KREMEN1: variants seen among roughly 807,000 people sequenced by gnomAD.
KREMEN1 encodes the protein kremen protein 1.
Under a neutral mutation model 46.5 loss-of-function variants are expected in KREMEN1, and 30 were observed. That is an observed-to-expected ratio of 0.65 (90% CI 0.48 to 0.88). KREMEN1 has a LOEUF of 0.88. Ranked by LOEUF, KREMEN1 falls within the 40% of genes least tolerant of loss-of-function variation. The probability of loss-of-function intolerance (pLI) is 0.00; values close to 1 mark genes in which losing one functional copy is unlikely to be tolerated. For missense variants in KREMEN1, 533 were observed against 596.9 expected (o/e 0.89, Z 1.11); for synonymous variants, 214 against 230.6 (o/e 0.93, Z 0.65).
chr22:29,073,243 C>A lies in KREMEN1; in HGVS notation c.97+16C>A. 9.1e-7 allele frequency: 1 copy of A among 1,095,916 alleles called. No homozygotes were observed. The highest frequency in any genetic ancestry group is 1.1e-6 in the Non-Finnish European group (1 of 878,960). The allele number at this position is 1,095,916 out of a possible 1,614,324, so 67.9% of individuals were successfully genotyped here. ...CCCGGACCCGGTGAGTGTGAGCGAC[C>A]CCCCGCCGCCCGCCCTGAGCGGAGC... On this transcript the variant is annotated intron_variant, in intron 1 of 8. Coordinates refer to ENST00000400335, the MANE Select transcript of KREMEN1 (RefSeq NM_001039570.3). The surrounding 1 kb of genome is among the most constrained non-coding windows in gnomAD (Gnocchi z 4.4).
At chr22:29,082,314 C>G (rs1251229972) in intron 1 of KREMEN1, among the ~76,000 whole-genome samples, 1 of 152,186 alleles carries the variant, frequency 6.6e-6, no homozygotes, top group Non-Finnish European at 1.5e-5. Flanking sequence ...ACCTTGGCCT[C>G]CCAAAGTACT....
intron 3 of KREMEN1, among the ~76,000 whole-genome samples, chr22:29,113,908 G>A (rs1483059945): frequency 6.6e-6 from 1 of 152,212 alleles, no homozygotes; most frequent in African/African-American, 2.4e-5. Context: ...CTAGGAAGCA[G>A]CAAATTAAGA....
chr22:29,098,146 A>C (rs1396709723), intron 2 of KREMEN1, among the ~76,000 whole-genome samples: 34 of 151,456 alleles, frequency 2.2e-4, no homozygotes, highest in Non-Finnish European at 1.0e-4. Context: ...ATGCCACTGC[A>C]CTCCAGCTCA....
intron 3 of KREMEN1, among the ~76,000 whole-genome samples, chr22:29,108,958 A>T (rs2038102111): frequency 6.6e-6 from 1 of 151,836 alleles, no homozygotes; most frequent in Non-Finnish European, 1.5e-5. Context: ...CCTGGCAAAT[A>T]TTTTTACTTT....
At chr22:29,135,076 C>T (rs1443227039) in intron 5 of KREMEN1, among the ~76,000 whole-genome samples, 1 of 152,198 alleles carries the variant, frequency 6.6e-6, no homozygotes, top group African/African-American at 2.4e-5. Context: ...TCCCTGGCAG[C>T]CAAACACTGC....
At chr22:29,157,334 C>A (rs909520941) in intron 9 of KREMEN1, among the ~76,000 whole-genome samples, 2 of 152,052 alleles carry the variant, frequency 1.3e-5, no homozygotes, top group East Asian at 3.9e-4. Context: ...CCCACCATGA[C>A]TTTGTTTTTC....
chr22:29,146,415 A>G lies in KREMEN1; in HGVS notation c.*4303A>G. 4 of 985,762 alleles carry G rather than the reference A, an allele frequency of 4.1e-6. No homozygotes were observed. Among genetic ancestry groups the G allele is most frequent in the Non-Finnish European group, 4.8e-6 (4 of 829,954 alleles). The allele number at this position is 985,762 out of a possible 1,614,324, so 61.1% of individuals were successfully genotyped here. On this transcript the variant is annotated 3_prime_UTR_variant, in exon 9 of 9. Transcript: ENST00000400335. Reference sequence around the variant, plus strand: ...GTCTTGCTGAGTTGGGTACGGAGGCAGAAGTGGGGTGTGGAGGAAAGTCAG... The same window carrying G: ...GTCTTGCTGAGTTGGGTACGGAGGCGGAAGTGGGGTGTGGAGGAAAGTCAG...
At chr22:29,087,172 C>T (rs550401741) in intron 1 of KREMEN1, among the ~76,000 whole-genome samples, 2 of 152,256 alleles carry the variant, frequency 1.3e-5, no homozygotes, top group African/African-American at 4.8e-5. Flanking sequence ...AATATGTTCT[C>T]TGCTGTCTTG....
chr22:29,095,354 T>A (rs1396368553), intron 2 of KREMEN1, among the ~76,000 whole-genome samples: 1 of 152,248 alleles, frequency 6.6e-6, no homozygotes, highest in East Asian at 1.9e-4. Context: ...TCCATAGCTT[T>A]GATCAGCTTC....
intron 9 of KREMEN1, among the ~76,000 whole-genome samples, chr22:29,155,857 G>A (rs1019919613): frequency 6.6e-6 from 1 of 151,960 alleles, no homozygotes; most frequent in African/African-American, 2.4e-5. Context: ...TACTCAGGAG[G>A]CTGAGGCAGG....
intron 1 of KREMEN1, among the ~76,000 whole-genome samples, chr22:29,079,971 G>T (rs1282160729): frequency 6.6e-6 from 1 of 152,214 alleles, no homozygotes; most frequent in Admixed American, 6.5e-5. Context: ...AATGACCACA[G>T]AAGCCATATT....
At chr22:29,105,440 C>T (rs1328534866) in intron 3 of KREMEN1, among the ~76,000 whole-genome samples, 1 of 150,946 alleles carries the variant, frequency 6.6e-6, no homozygotes, top group Non-Finnish European at 1.5e-5. Context: ...TGTGCCCCTG[C>T]ATGTGCATGA....
chr22:29,097,860 T>A (rs777647972), intron 2 of KREMEN1, among the ~76,000 whole-genome samples: 1 of 152,114 alleles, frequency 6.6e-6, no homozygotes, highest in Non-Finnish European at 1.5e-5. Context: ...TGTCATCTAT[T>A]GGGTTTTATA....
At chr22:29,164,758 A>C (rs2039039227) in intron 9 of KREMEN1, among the ~76,000 whole-genome samples, 1 of 131,218 alleles carries the variant, frequency 7.6e-6, no homozygotes, top group East Asian at 2.3e-4. Flanking sequence ...AAAAAAAAAC[A>C]AAAAAAAAAA....
At chr22:29,103,878 A>G (rs1277911417) in intron 3 of KREMEN1, among the ~76,000 whole-genome samples, 1 of 152,158 alleles carries the variant, frequency 6.6e-6, no homozygotes, top group Non-Finnish European at 1.5e-5. Context: ...TTGAAATGAC[A>G]TAATATTTGG....
chr22:29,132,620 C>G (rs2038580432), intron 5 of KREMEN1, among the ~76,000 whole-genome samples: 1 of 152,210 alleles, frequency 6.6e-6, no homozygotes, highest in South Asian at 2.1e-4. Context: ...TTGCATTTCT[C>G]TAATTACCAA....
chr22:29,153,797 A>G (rs1025227717), intron 9 of KREMEN1, among the ~76,000 whole-genome samples: 3 of 152,060 alleles, frequency 2.0e-5, no homozygotes, highest in Non-Finnish European at 4.4e-5. Context: ...CCTGGCCAAC[A>G]TGTTGAAACC....
intron 3 of KREMEN1, among the ~76,000 whole-genome samples, chr22:29,103,120 T>C (rs16987084): frequency 0.06 from 9,155 of 152,306 alleles, 335 homozygotes; most frequent in East Asian, 0.12. Flanking sequence ...ACTTTTGCCC[T>C]ATTTCTGGAT....
In KREMEN1 at chr22:29,137,409, C is replaced by A; in HGVS notation, c.699C>A (p.Pro233=). 5 of 1,573,166 alleles carry A rather than the reference C, an allele frequency of 3.2e-6. No homozygotes were observed. In the South Asian group the frequency reaches 4.6e-5, roughly 14 times the overall value. ...MSSVVYSPDF[P]DTYATGRVCY... ...CTGTGGTCTATTCCCCTGACTTCCC[C>A]GACACCTATGCCACGGGGAGGGTCT... Residue 233 remains proline (P), a synonymous_variant, in exon 6 of 9, where the codon CCC becomes CCA. Coordinates refer to ENST00000400335, the MANE Select transcript of KREMEN1 (RefSeq NM_001039570.3).
Sources: allele counts gnomAD v4.1 joint callset (sites outside exome capture counted in the v4.1 genomes callset), GRCh38; gene constraint gnomAD v4.1.1; non-coding constraint Gnocchi (gnomAD v3.1); transcripts MANE v1.5; gene names NCBI Gene and HGNC (gene_info 2026-07-23, HGNC 2026-07-21).